The following ATP11B variants were observed in gnomAD, a reference collection of about 807,000 sequenced individuals.
The protein encoded by ATP11B is phospholipid-transporting ATPase IF.
In ATP11B, 81 loss-of-function variants were observed where a neutral mutation model predicts 157.8. The observed-to-expected ratio is 0.51, with a 90% CI of 0.43 to 0.62. ATP11B has a LOEUF of 0.62. Among genes scored for constraint, ATP11B ranks in the 20% least tolerant of loss-of-function variants. The pLI is 0.00. For missense variants in ATP11B, 1,165 were observed against 1,402.2 expected, an observed-to-expected ratio of 0.83 and a Z score of 2.70; for synonymous variants, 451 against 469.4, an observed-to-expected ratio of 0.96 and a Z score of 0.51.
Position 182,874,079 on chromosome 3 carries a change from G to A in ATP11B, c.2252+64G>A, listed in dbSNP as rs1560104969. The A allele has an allele frequency of 7.0e-6, 10 of 1,433,816 alleles. No homozygotes were observed. In the East Asian group the frequency reaches 7.3e-5, roughly 10 times the overall value. 88.8% of individuals were successfully genotyped at this position (1,433,816 alleles called of 1,614,324 possible). A position where few individuals can be genotyped will look rare whatever the true frequency, so the allele number is the denominator to read the frequency against. ...TAGCAAACTATGGTTCCCTGGGCCCGATGATATAGCCCACTGTCACTGCCT... is the reference window on the plus strand; with the variant it reads ...TAGCAAACTATGGTTCCCTGGGCCCAATGATATAGCCCACTGTCACTGCCT... On this transcript the variant is annotated intron_variant, in intron 19 of 29. Coordinates refer to ENST00000323116, the MANE Select transcript of ATP11B (RefSeq NM_014616.3).
At chr3:182,883,798 A>G (rs1722601452) in intron 21 of ATP11B, among the ~76,000 whole-genome samples, 1 of 150,554 alleles carries the variant, frequency 6.6e-6, no homozygotes, top group South Asian at 2.1e-4. Context: ...TACTAAAAAT[A>G]CAAAAAATTA....
chr3:182,872,083 G>A (rs893448081), intron 17 of ATP11B, among the ~76,000 whole-genome samples: 20 of 152,302 alleles, frequency 1.3e-4, no homozygotes, highest in Admixed American at 1.2e-3. Flanking sequence ...CCAGAGTGCT[G>A]GGATTACAGG....
chr3:182,825,771 A>G (rs1019445165), intron 2 of ATP11B, among the ~76,000 whole-genome samples: 2 of 151,268 alleles, frequency 1.3e-5, no homozygotes, highest in African/African-American at 4.9e-5. Flanking sequence ...GTGGTGGTGC[A>G]TGCAAGTAGT....
intron 19 of ATP11B, among the ~76,000 whole-genome samples, chr3:182,875,239 G>A (rs986042451): frequency 7.2e-5 from 11 of 152,070 alleles, no homozygotes; most frequent in Admixed American, 5.2e-4. Flanking sequence ...GTTGTTTGCT[G>A]TCTTGTGATA....
chr3:182,819,627 A>G (rs55658294), intron 1 of ATP11B, among the ~76,000 whole-genome samples: 3,068 of 152,314 alleles, frequency 0.02, 95 homozygotes, highest in African/African-American at 0.07. Flanking sequence ...CAGTAAGTCA[A>G]TTGATACTAT....
At chr3:182,866,045 C>G (rs1161015315) in intron 13 of ATP11B, among the ~76,000 whole-genome samples, 1 of 151,950 alleles carries the variant, frequency 6.6e-6, no homozygotes, top group African/African-American at 2.4e-5. Context: ...AAAGTGTTCC[C>G]CTCTACTTGC....
chr3:182,866,047 T>A (rs578084652), intron 13 of ATP11B, among the ~76,000 whole-genome samples: 2 of 152,304 alleles, frequency 1.3e-5, no homozygotes, highest in African/African-American at 4.8e-5. Context: ...AGTGTTCCCC[T>A]CTACTTGCAA....
At chr3:182,798,261 T>C (rs939123608) in intron 1 of ATP11B, among the ~76,000 whole-genome samples, 11 of 152,222 alleles carry the variant, frequency 7.2e-5, no homozygotes, top group African/African-American at 2.2e-4. Flanking sequence ...TTCCTTACAC[T>C]CAAGACAGCA....
At chr3:182,844,300 ATGACTGTAT>A (rs1383246378) in intron 8 of ATP11B, 1 of 152,256 alleles carries the variant, frequency 6.6e-6, no homozygotes, top group Non-Finnish European at 1.5e-5. Context: ...TACTCCAAAT[ATGACTGTAT>A]TGGTTCTCCT....
chr3:182,883,730 C>T (rs1285764780), intron 21 of ATP11B, among the ~76,000 whole-genome samples: 5 of 150,788 alleles, frequency 3.3e-5, no homozygotes, highest in South Asian at 2.1e-4. Context: ...CCGAGGCGGG[C>T]GGATCACGAG....
chr3:182,802,247 A>G (rs549516338), intron 1 of ATP11B, among the ~76,000 whole-genome samples: 64 of 152,258 alleles, frequency 4.2e-4, no homozygotes, highest in African/African-American at 1.5e-3. Context: ...GATTATTGCA[A>G]AAGCTTCCTA....
At chr3:182,889,753 C>G (rs146852599) in intron 25 of ATP11B, among the ~76,000 whole-genome samples, 1 of 152,216 alleles carries the variant, frequency 6.6e-6, no homozygotes, top group Non-Finnish European at 1.5e-5. Context: ...CGAAATGAAA[C>G]TCAAGTTACT....
chr3:182,881,862 A>G (rs1722450158), intron 21 of ATP11B, among the ~76,000 whole-genome samples: 1 of 152,186 alleles, frequency 6.6e-6, no homozygotes, highest in African/African-American at 2.4e-5. Flanking sequence ...GATCATTATA[A>G]AGACAGGAAA....
chr3:182,844,980 G>C (rs1719356647), intron 8 of ATP11B, among the ~76,000 whole-genome samples: 2 of 138,944 alleles, frequency 1.4e-5, no homozygotes, highest in Admixed American at 1.4e-4. Flanking sequence ...AGCCTAGGCA[G>C]CCTTTTTTTT....
rs1420215040 is a variant in ATP11B at position 182,884,139 on chromosome 3, ACT to A, written c.2510-611_2510-610del. ...GATTGAAAATAAAAACTTGGCAATG[ACT>A]CTTCTTCTCTTTTGAAACCTTAAGG... On this transcript the variant is annotated intron_variant, in intron 21 of 29. Coordinates refer to ENST00000323116, the MANE Select transcript of ATP11B (RefSeq NM_014616.3). Among the ~76,000 whole-genome samples, 6 of 152,126 alleles carry A rather than the reference ACT, an allele frequency of 3.9e-5. No individual in the cohort carries two copies. The South Asian group carries it at 6.2e-4, about 16-fold the overall frequency.
intron 20 of ATP11B, 27 bp downstream of exon 20, chr3:182,879,676 C>G (rs1722285188): frequency 1.9e-6 from 3 of 1,570,446 alleles, no homozygotes; most frequent in Non-Finnish European, 2.6e-6. Context: ...TAAAAAAGTC[C>G]CATAAAGCTA....
chr3:182,852,943 AC>A (rs146774160), intron 10 of ATP11B, among the ~76,000 whole-genome samples: 1 of 152,354 alleles, frequency 6.6e-6, no homozygotes, highest in East Asian at 1.9e-4. Flanking sequence ...CAAGCCATAG[AC>A]CAGAGAAAAT....
chr3:182,808,423 G>A (rs138561464), intron 1 of ATP11B, among the ~76,000 whole-genome samples: 4 of 152,146 alleles, frequency 2.6e-5, no homozygotes, highest in Non-Finnish European at 5.9e-5. Flanking sequence ...ACCTGCCAAT[G>A]TTGATCAACA....
intron 10 of ATP11B, among the ~76,000 whole-genome samples, chr3:182,852,968 A>G (rs980805222): frequency 2.0e-5 from 3 of 152,216 alleles, no homozygotes; most frequent in African/African-American, 7.2e-5. Flanking sequence ...TGCAAAGCAT[A>G]TATCTTGTAA....
Sources: allele counts gnomAD v4.1 joint callset (sites outside exome capture counted in the v4.1 genomes callset), GRCh38; gene constraint gnomAD v4.1.1; transcripts MANE v1.5; gene names NCBI Gene and HGNC (gene_info 2026-07-23, HGNC 2026-07-21).